The following CCBE1 variants were observed in gnomAD, a reference collection of about 807,000 sequenced individuals.
The protein encoded by CCBE1 is collagen and calcium-binding EGF domain-containing protein 1.
A neutral mutation model predicts 50.0 loss-of-function variants in CCBE1; 37 were observed. The ratio of observed to expected loss-of-function variants is 0.74; its 90% CI spans 0.57 to 0.97. CCBE1 has a LOEUF of 0.97. CCBE1 is among the 50% of genes least tolerant of loss of function. The pLI is 0.00. For missense variants in CCBE1, 538 were observed against 523.8 expected, an observed-to-expected ratio of 1.03 and a Z score of -0.26; for synonymous variants, 234 against 203.7, an observed-to-expected ratio of 1.15 and a Z score of -1.27.
chr18:59,673,112 CA>C (rs1380608678), intron 2 of CCBE1, among the ~76,000 whole-genome samples: 1 of 152,156 alleles, frequency 6.6e-6, no homozygotes, highest in Admixed American at 6.5e-5. Context: ...AGTTGCTTGA[CA>C]AACCTAAGCC....
At chr18:59,652,582 AAG>A (rs1444933860) in intron 2 of CCBE1, among the ~76,000 whole-genome samples, 3 of 152,216 alleles carry the variant, frequency 2.0e-5, no homozygotes, top group Admixed American at 6.5e-5. Flanking sequence ...AAGAGAAAGA[AAG>A]AGGAGAAGCA....
intron 5 of CCBE1, among the ~76,000 whole-genome samples, chr18:59,456,602 C>T (rs980060673): frequency 2.6e-5 from 4 of 152,212 alleles, no homozygotes; most frequent in East Asian, 3.8e-4. Flanking sequence ...ACATCTCAGA[C>T]TTCTAACCTC....
intron 2 of CCBE1, among the ~76,000 whole-genome samples, chr18:59,644,590 T>C (rs1317395385): frequency 6.6e-6 from 1 of 152,246 alleles, no homozygotes; most frequent in East Asian, 1.9e-4. Flanking sequence ...AATGCTGCAG[T>C]AGTTAATCTT....
chr18:59,441,103 A>C (rs1176833453), intron 7 of CCBE1, among the ~76,000 whole-genome samples: 1 of 152,248 alleles, frequency 6.6e-6, no homozygotes, highest in African/African-American at 2.4e-5. Flanking sequence ...TTCCCATGGC[A>C]GTGGCCTGAC....
At chr18:59,578,907 C>A (rs1438088595) in intron 2 of CCBE1, among the ~76,000 whole-genome samples, 3 of 152,090 alleles carry the variant, frequency 2.0e-5, no homozygotes, top group African/African-American at 7.2e-5. Flanking sequence ...ATGTAACGAA[C>A]CTGCACATTC....
At chr18:59,674,328 G>A (rs1038522750) in intron 2 of CCBE1, among the ~76,000 whole-genome samples, 3 of 152,166 alleles carry the variant, frequency 2.0e-5, no homozygotes, top group Admixed American at 2.0e-4. Flanking sequence ...CCTTTGTGGG[G>A]ACATGAAGCT....
rs554316497 is a variant in CCBE1 at position 59,550,003 on chromosome 18, C to T, written c.213-69765G>A. Among the ~76,000 whole-genome samples the T allele has an allele frequency of 2.0e-5, 3 of 152,296 alleles. No individual in the cohort carries two copies. In the East Asian group the frequency reaches 5.8e-4, roughly 29 times the overall value. On this transcript the variant is annotated intron_variant, in intron 2 of 10. Coordinates refer to ENST00000439986, the MANE Select transcript of CCBE1 (RefSeq NM_133459.4). Reference sequence around the variant, plus strand: ...GCTGCCTGGCTTTCTCTGGAGCCAACGGGCAAGGACATTATTGGAATGGGC... The same window carrying T: ...GCTGCCTGGCTTTCTCTGGAGCCAATGGGCAAGGACATTATTGGAATGGGC...
chr18:59,571,293 T>A (rs2115675), intron 2 of CCBE1, among the ~76,000 whole-genome samples: 13,332 of 152,158 alleles, frequency 0.088, 618 homozygotes, highest in East Asian at 0.13. Flanking sequence ...ATAGTGATTT[T>A]AAAAAATCTA....
intron 2 of CCBE1, among the ~76,000 whole-genome samples, chr18:59,695,922 A>G (rs962553614): frequency 2.2e-4 from 33 of 152,092 alleles, no homozygotes; most frequent in African/African-American, 8.0e-4. Flanking sequence ...TGAAAAACCT[A>G]AATCAACCCT....
At chr18:59,658,400 TATATATATATATATATAA>T (rs1188268504) in intron 2 of CCBE1, among the ~76,000 whole-genome samples, 2 of 45,986 alleles carry the variant, frequency 4.3e-5, no homozygotes, top group Middle Eastern at 0.013. Context: ...TATATATATA[TATATATATATATATATAA>T]AGTTAGCTAC....
intron 3 of CCBE1, among the ~76,000 whole-genome samples, chr18:59,476,111 C>G (rs1360016171): frequency 1.3e-5 from 2 of 152,022 alleles, no homozygotes; most frequent in Non-Finnish European, 2.9e-5. Context: ...CTGGGACAAC[C>G]CTCCCATCTC....
intron 2 of CCBE1, among the ~76,000 whole-genome samples, chr18:59,618,607 C>T (rs1240408128): frequency 3.3e-5 from 5 of 151,924 alleles, no homozygotes; most frequent in East Asian, 3.9e-4. Context: ...GCTAATTTTT[C>T]GGTAGAGATG....
chr18:59,467,111 G>A (rs1283532977), intron 4 of CCBE1, among the ~76,000 whole-genome samples: 1 of 152,188 alleles, frequency 6.6e-6, no homozygotes, highest in Non-Finnish European at 1.5e-5. Flanking sequence ...ATCAGTGATG[G>A]GGTTCCTGGC....
rs1297700050 is a variant in CCBE1 at position 59,693,892 on chromosome 18, A to G, written c.212+2737T>C. ...TTTTTTTTTTTTTTTTTTTTTTTTG[A>G]GACAGAGTCTTGCTCTGTCACCAGA... On this transcript the variant is annotated intron_variant, in intron 2 of 10. Coordinates refer to ENST00000439986, the MANE Select transcript of CCBE1 (RefSeq NM_133459.4). Among the ~76,000 whole-genome samples the G allele has an allele frequency of 2.8e-4, 2 of 7,116 alleles. 1 individual carries two copies. The highest frequency in any genetic ancestry group is 7.7e-4 in the Non-Finnish European group (2 of 2,594). 4.7% of individuals were successfully genotyped at this position (7,116 alleles called of 152,430 possible).
chr18:59,509,636 T>C (rs1183890329), intron 2 of CCBE1, among the ~76,000 whole-genome samples: 1 of 152,130 alleles, frequency 6.6e-6, no homozygotes, highest in Non-Finnish European at 1.5e-5. Flanking sequence ...CTAGCACATG[T>C]CTTAAGTTGA....
intron 2 of CCBE1, among the ~76,000 whole-genome samples, chr18:59,554,882 C>T (rs1179973420): frequency 1.3e-5 from 2 of 152,230 alleles, no homozygotes; most frequent in African/African-American, 4.8e-5. Context: ...TAGCCACTAC[C>T]TGCAAATGTA....
rs138212818 is a variant in CCBE1, at chr18:59,536,885, G to A, written c.213-56647C>T. Among the ~76,000 whole-genome samples, 253 of 151,804 alleles carry A rather than the reference G, an allele frequency of 1.7e-3. 1 individual carries two copies. The highest frequency in any genetic ancestry group is 6.0e-3 in the African/African-American group (249 of 41,364). ...CATGCACCAGTAATCCCAGCTACTC[G>A]GGAGGCTGAGGCAGGAGAATCGCTT... On this transcript the variant is annotated intron_variant, in intron 2 of 10. Coordinates refer to ENST00000439986, the MANE Select transcript of CCBE1 (RefSeq NM_133459.4).
chr18:59,510,981 A>G (rs1394304272), intron 2 of CCBE1, among the ~76,000 whole-genome samples: 4 of 152,206 alleles, frequency 2.6e-5, no homozygotes, highest in African/African-American at 9.7e-5. Flanking sequence ...ACCAGTCATT[A>G]GTACCAGCCC....
intron 2 of CCBE1, among the ~76,000 whole-genome samples, chr18:59,591,595 T>G (rs572199865): frequency 6.6e-6 from 1 of 152,138 alleles, no homozygotes; most frequent in African/African-American, 2.4e-5. Flanking sequence ...TTAAGTGTGT[T>G]AAGAGATTTC....
Sources: gnomAD v4.1 joint callset for allele counts (sites outside exome capture counted in the v4.1 genomes callset) on GRCh38, gnomAD v4.1.1 for gene constraint, MANE v1.5 for transcripts, NCBI Gene and HGNC (gene_info 2026-07-23, HGNC 2026-07-21) for gene names.